The following PNPLA7 variants were observed in gnomAD, a reference collection of about 807,000 sequenced individuals.
PNPLA7 encodes patatin-like phospholipase domain-containing protein 7.
In PNPLA7, 153 loss-of-function variants were observed where a neutral mutation model predicts 161.7. That is an observed-to-expected ratio of 0.95 (90% confidence interval 0.83 to 1.08). PNPLA7 has a LOEUF of 1.08. Ranked by LOEUF, PNPLA7 falls within the 50% of genes least tolerant of loss-of-function variation. The probability of loss-of-function intolerance (pLI) is 0.00; values close to 1 mark genes in which losing one functional copy is unlikely to be tolerated. For synonymous variants in PNPLA7, 809 were observed against 782.1 expected, an observed-to-expected ratio of 1.03 and a Z score of -0.57; for missense variants, 1,739 against 1,856.6, an observed-to-expected ratio of 0.94 and a Z score of 1.16.
Position 137,479,196 on chromosome 9 carries a change from G to T in PNPLA7, c.2623C>A (p.Gln875Lys). Residue 875 changes from glutamine (Q) to lysine (K), a missense_variant, in exon 24 of 35, where the codon CAG becomes AAG. Physicochemically the swap from Gln to Lys is moderately conservative, Grantham distance 53. Coordinates refer to ENST00000406427, the MANE Select transcript of PNPLA7 (RefSeq NM_001098537.3). ...TCCTCCCTGTGCAGCAGGATCAGCT[G>T]CTTCTGGGCACGCACAGCTGTGCTC... ...LESTAVRAQK[Q>K]LILLHREEGP... 1 of 1,560,182 alleles carries T rather than the reference G, an allele frequency of 6.4e-7. No homozygotes were observed. The highest frequency in any genetic ancestry group is 1.2e-5 in the South Asian group (1 of 84,950).
At chr9:137,515,284 G>A (rs1205839414) in intron 12 of PNPLA7, 95 bp downstream of exon 12, 43 of 1,476,870 alleles carry the variant, frequency 2.9e-5, no homozygotes, top group East Asian at 1.5e-4. Flanking sequence ...TGCCCGCCTC[G>A]GCGGCGATGC....
chr9:137,461,634 G>A lies in PNPLA7; in HGVS notation c.3757-14C>T, dbSNP rs1010850456. 8 of 1,600,618 alleles carry A rather than the reference G, an allele frequency of 5.0e-6. No homozygotes were observed. Among genetic ancestry groups the A allele is most frequent in the Admixed American group, 3.4e-5 (2 of 59,264 alleles). On this transcript the variant is annotated splice_polypyrimidine_tract_variant and intron_variant, in intron 32 of 34. Coordinates refer to ENST00000406427, the MANE Select transcript of PNPLA7 (RefSeq NM_001098537.3). The stretch of plus-strand genomic sequence containing the variant: ...ACAGGTGAGGACCTAGGGGTGGGGT[G>A]AGGACAGCACGTTGCCTGTGGACAC...
chr9:137,550,147 C>T (rs1167118561), intron 1 of PNPLA7, 21 bp downstream of exon 1: 2 of 1,612,684 alleles, frequency 1.2e-6, no homozygotes, highest in Non-Finnish European at 1.7e-6. Flanking sequence ...ATCCAGGCAT[C>T]TGGTCCCCCG....
Position 137,477,950 on chromosome 9 carries a change from C to T in PNPLA7, c.2882+84G>A, listed in dbSNP as rs549315224. ...TCTGCGGGTGACACCCCCTGTCCCCCGCACCCAGCACCTCCTAGCACCCGA... is the reference window on the plus strand; with the variant it reads ...TCTGCGGGTGACACCCCCTGTCCCCTGCACCCAGCACCTCCTAGCACCCGA... On this transcript the variant is annotated intron_variant, in intron 25 of 34. Transcript: ENST00000406427. 33 of 1,136,810 alleles carry T rather than the reference C, an allele frequency of 2.9e-5. No homozygotes were observed. The African/African-American group carries it at 3.6e-4, about 12-fold the overall frequency. 70.4% of individuals were successfully genotyped at this position (1,136,810 alleles called of 1,614,324 possible). A position where few individuals can be genotyped will look rare whatever the true frequency, so the allele number is the denominator to read the frequency against.
intron 12 of PNPLA7, among the ~76,000 whole-genome samples, chr9:137,507,370 C>G (rs557300186): frequency 6.6e-6 from 1 of 152,334 alleles, no homozygotes; most frequent in East Asian, 1.9e-4. Flanking sequence ...ACACCTTGTA[C>G]GTCAACAAGC....
intron 12 of PNPLA7, among the ~76,000 whole-genome samples, chr9:137,512,006 T>C (rs1834263028): frequency 6.6e-6 from 1 of 152,188 alleles, no homozygotes; most frequent in Admixed American, 6.5e-5. Context: ...TAAATAGCAG[T>C]GCGTCCAGGC....
chr9:137,508,879 A>G (rs1375989087), intron 12 of PNPLA7: 1 of 152,250 alleles, frequency 6.6e-6, no homozygotes, highest in African/African-American at 2.4e-5. Context: ...AATTCCTATT[A>G]ATAATAAGAA....
Position 137,504,009 on chromosome 9 carries a change from GAAGGAA to G in PNPLA7, c.1473+1599_1473+1604del, listed in dbSNP as rs1326870490. Among the ~76,000 whole-genome samples the G allele has an allele frequency of 9.8e-3, 1,373 of 139,888 alleles. 31 individuals carry two copies. Among genetic ancestry groups the G allele is most frequent in the African/African-American group, 0.035 (1,311 of 37,612 alleles). 91.8% of individuals were successfully genotyped at this position (139,888 alleles called of 152,430 possible). On this transcript the variant is annotated intron_variant, in intron 14 of 34. Transcript: ENST00000406427. ...AGAAAGAAGCAAGAAGAAGAAAGAA[GAAGGAA>G]GAAGAAGAAGGAGGAGGAAGGAAGA...
Position 137,462,024 on chromosome 9 carries a change from G to A in PNPLA7, c.3663C>T (p.His1221=), listed in dbSNP as rs1251591812. 6.3e-6 allele frequency: 10 copies of A among 1,598,586 alleles called. No individual in the cohort carries two copies. The highest frequency in any genetic ancestry group is 1.7e-5 in the Admixed American group (1 of 58,710). ...FNEICEVGYQ[H]GRTVFDIWGR... is the part of the protein sequence containing the mutation. Reference sequence around the variant, plus strand: ...CCCAGATGTCAAACACCGTGCGCCCGTGCTGGTAGCCCACTTCCTGTGCAC... The same window carrying A: ...CCCAGATGTCAAACACCGTGCGCCCATGCTGGTAGCCCACTTCCTGTGCAC... The change falls in exon 32 of 35, where the codon CAC becomes CAT. Residue 1221 remains histidine (H), a synonymous_variant. Transcript: ENST00000406427.
chr9:137,493,227 G>T, intron 19 of PNPLA7, 145 bp from the exon 20 acceptor site: 1 of 828,478 alleles, frequency 1.2e-6, no homozygotes, highest in South Asian at 1.6e-5. Flanking sequence ...AGTTGCACAT[G>T]ACTCACAAGC....
Position 137,473,725 on chromosome 9 carries a change from G to A in PNPLA7, c.2882+4309C>T, listed in dbSNP as rs191751037. 2.5e-4 allele frequency among the ~76,000 whole-genome samples: 38 copies of A among 152,304 alleles called. 1 individual carries two copies. Among genetic ancestry groups the A allele is most frequent in the Admixed American group, 2.1e-3 (32 of 15,296 alleles). On this transcript the variant is annotated intron_variant, in intron 25 of 34. Coordinates refer to ENST00000406427, the MANE Select transcript of PNPLA7 (RefSeq NM_001098537.3). ...GTGTTCTACGTCATCAGTCATCGGAGGGATGCAAATTAGAATCACAGTGAG... is the reference window on the plus strand; with the variant it reads ...GTGTTCTACGTCATCAGTCATCGGAAGGATGCAAATTAGAATCACAGTGAG...
intron 20 of PNPLA7, among the ~76,000 whole-genome samples, chr9:137,488,552 G>A (rs1265859016): frequency 1.3e-5 from 2 of 152,174 alleles, no homozygotes; most frequent in Admixed American, 1.3e-4. Context: ...CAGGCTGGCC[G>A]GGGACCTCGG....
At chr9:137,494,855 C>T (rs1032534668) in intron 19 of PNPLA7, among the ~76,000 whole-genome samples, 178 bp downstream of exon 19, 4 of 150,722 alleles carry the variant, frequency 2.7e-5, no homozygotes, top group South Asian at 2.1e-4. Context: ...CTCACCTGCG[C>T]CCTGCCCTCA....
rs1172783051 is a variant in PNPLA7, at chr9:137,478,025, G to C, written c.2882+9C>G. 1 of 1,417,374 alleles carries C rather than the reference G, an allele frequency of 7.1e-7. No homozygotes were observed. Among genetic ancestry groups the C allele is most frequent in the Non-Finnish European group, 9.3e-7 (1 of 1,080,828 alleles). The allele number at this position is 1,417,374 out of a possible 1,614,324, so 87.8% of individuals were successfully genotyped here. A position where few individuals can be genotyped will look rare whatever the true frequency, so the allele number is the denominator to read the frequency against. ...CAGTGAGGAGTGTGTAGGAAGCGGG[G>C]GGACTCACCTTGCTCCCCCTCCCCC... is the stretch of plus-strand genomic sequence containing the variant. On this transcript the variant is annotated intron_variant, in intron 25 of 34. Coordinates refer to ENST00000406427, the MANE Select transcript of PNPLA7 (RefSeq NM_001098537.3).
chr9:137,531,590 T>C (rs75864814), intron 8 of PNPLA7, among the ~76,000 whole-genome samples: 1,653 of 152,194 alleles, frequency 0.011, 29 homozygotes, highest in African/African-American at 0.036. Flanking sequence ...CAGCTGTCAC[T>C]CAGCCACGGA....
intron 14 of PNPLA7, 110 bp downstream of exon 14, chr9:137,505,501 ACCT>A: frequency 7.8e-7 from 1 of 1,286,408 alleles, no homozygotes; most frequent in South Asian, 1.4e-5. Context: ...CACCCAAAAC[ACCT>A]CCTTTGCAGC....
intron 11 of PNPLA7, among the ~76,000 whole-genome samples, chr9:137,518,750 C>A (rs1188938268): frequency 5.9e-4 from 36 of 61,088 alleles, no homozygotes; most frequent in African/African-American, 2.6e-3. Flanking sequence ...ACTCCATCCC[C>A]CACTCACTCA....
Position 137,541,986 on chromosome 9 carries a change from C to T in PNPLA7, c.666+656G>A, listed in dbSNP as rs117846912. On this transcript the variant is annotated intron_variant, in intron 7 of 34. Coordinates refer to ENST00000406427, the MANE Select transcript of PNPLA7 (RefSeq NM_001098537.3). The surrounding 1 kb of genome is among the most constrained non-coding windows in gnomAD (Gnocchi z 4.4). ...TTGTAGAGACGGGGTCTCACTACTTCGTCCAAGCTGGTCTCTAAGCCGTGG... is the reference window on the plus strand; with the variant it reads ...TTGTAGAGACGGGGTCTCACTACTTTGTCCAAGCTGGTCTCTAAGCCGTGG... Among the ~76,000 whole-genome samples the T allele has an allele frequency of 0.025, 3,877 of 152,186 alleles. 67 individuals carry two copies. Among genetic ancestry groups the T allele is most frequent in the Non-Finnish European group, 0.037 (2,524 of 67,970 alleles).
intron 9 of PNPLA7, 130 bp downstream of exon 9, chr9:137,522,599 C>G: frequency 9.6e-7 from 1 of 1,042,134 alleles, no homozygotes. Context: ...CTGAAATCAC[C>G]TTCATGGCTG....
Sources: allele counts gnomAD v4.1 joint callset (sites outside exome capture counted in the v4.1 genomes callset), GRCh38; gene constraint gnomAD v4.1.1; non-coding constraint Gnocchi (gnomAD v3.1); transcripts MANE v1.5; gene names NCBI Gene and HGNC (gene_info 2026-07-23, HGNC 2026-07-21).